The following ACACB variants were observed in gnomAD, a reference collection of about 807,000 sequenced individuals.
ACACB encodes acetyl-CoA carboxylase beta.
Under a neutral mutation model 278.8 loss-of-function variants are expected in ACACB, and 209 were observed. The observed-to-expected ratio is 0.75, with a 90% confidence interval of 0.67 to 0.84. The LOEUF (loss-of-function observed/expected upper bound fraction) is 0.84. Ranked by LOEUF, ACACB falls within the 40% of genes least tolerant of loss-of-function variation. The pLI, the probability that ACACB is intolerant of heterozygous loss-of-function variation, is 0.00. For missense variants in ACACB, 2,850 were observed against 3,269.0 expected (o/e 0.87, Z 3.13); for synonymous variants, 1,174 against 1,285.6 (o/e 0.91, Z 1.86).
rs759946321 is a variant in ACACB, at chr12:109,233,832, C to G, written c.4224C>G (p.Ser1408=). The G allele has an allele frequency of 3.7e-6, 6 of 1,614,180 alleles. No homozygotes were observed. Among genetic ancestry groups the G allele is most frequent in the Admixed American group, 3.3e-5 (2 of 60,026 alleles). Residue 1408 remains serine (S), a synonymous_variant, in exon 30 of 53, where the codon TCC becomes TCG. Transcript: ENST00000338432. ...GCGAGGCCCGCACCTCCCTATACTC[C>G]GAGGATGACTGCAAGGTAAGCGTCT... is the stretch of plus-strand genomic sequence containing the variant. The part of the protein sequence containing the change: ...LFSEARTSLY[S]EDDCKSLREE...
At chr12:109,152,293 C>T (rs1029291229) in intron 2 of ACACB, among the ~76,000 whole-genome samples, 1 of 151,978 alleles carries the variant, frequency 6.6e-6, no homozygotes, top group African/African-American at 2.4e-5. Flanking sequence ...CATTGCTTTC[C>T]CTATTTTGAG....
intron 3 of ACACB, among the ~76,000 whole-genome samples, chr12:109,167,501 A>T (rs138657210): frequency 0.024 from 3,595 of 150,802 alleles, 139 homozygotes; most frequent in African/African-American, 0.084. Flanking sequence ...CGGGAGGCTG[A>T]GGTGGGAGGA....
chr12:109,258,034 C>T (rs1365734954), intron 45 of ACACB, among the ~76,000 whole-genome samples: 1 of 152,226 alleles, frequency 6.6e-6, no homozygotes, highest in Non-Finnish European at 1.5e-5. Context: ...CTGCTCCAGG[C>T]CCTATACCAT....
In ACACB at chr12:109,180,126, C is replaced by T. The variant is rs529577775; in HGVS notation, c.1818+39C>T. The T allele has an allele frequency of 2.1e-5, 34 of 1,597,526 alleles. No individual in the cohort carries two copies. In the South Asian group the frequency reaches 2.8e-4, roughly 13 times the overall value. On this transcript the variant is annotated intron_variant, in intron 11 of 52. Coordinates refer to ENST00000338432, the MANE Select transcript of ACACB (RefSeq NM_001093.4). ...CTTGGGGCCCTGGGACTTCTCTGCC[C>T]TGGGTCAGGGGTCCATGTGCTGCTC...
intron 16 of ACACB, 121 bp from the exon 17 acceptor site, chr12:109,196,887 G>A (rs908732837): frequency 6.0e-6 from 7 of 1,167,664 alleles, no homozygotes; most frequent in Middle Eastern, 2.9e-4. Flanking sequence ...CCGAGAGACG[G>A]GGGTGTTCAT....
chr12:109,155,232 C>T (rs879397651), intron 2 of ACACB, among the ~76,000 whole-genome samples: 1 of 152,136 alleles, frequency 6.6e-6, no homozygotes, highest in Non-Finnish European at 1.5e-5. Context: ...CAGGGGCACG[C>T]CTTCCCCGCT....
chr12:109,126,692 C>CA (rs1308430408), intron 1 of ACACB, among the ~76,000 whole-genome samples: 6 of 149,944 alleles, frequency 4.0e-5, no homozygotes, highest in Non-Finnish European at 7.4e-5. Context: ...TCTACACACA[C>CA]AAAAAAAATA....
chr12:109,230,681 C>T (rs1000449160), intron 28 of ACACB, among the ~76,000 whole-genome samples: 2 of 152,180 alleles, frequency 1.3e-5, no homozygotes, highest in African/African-American at 2.4e-5. Context: ...CCTCCTGCCT[C>T]GGCCTCCCAA....
intron 2 of ACACB, among the ~76,000 whole-genome samples, chr12:109,149,664 GAC>G (rs1398284153): frequency 1.3e-5 from 2 of 152,110 alleles, no homozygotes; most frequent in African/African-American, 4.8e-5. Context: ...CAAGAGAGAG[GAC>G]ACACTAAGGG....
intron 2 of ACACB, among the ~76,000 whole-genome samples, chr12:109,156,587 G>T (rs1440037340): frequency 2.3e-5 from 3 of 131,684 alleles, no homozygotes; most frequent in South Asian, 2.4e-4. Context: ...GTTTCTCTCT[G>T]TTTTTTTTTT....
intron 2 of ACACB, among the ~76,000 whole-genome samples, chr12:109,166,256 T>G (rs1426897175): frequency 6.6e-6 from 1 of 152,190 alleles, no homozygotes; most frequent in Non-Finnish European, 1.5e-5. Flanking sequence ...TATAAGTTTT[T>G]TAGTATTATT....
intron 20 of ACACB, among the ~76,000 whole-genome samples, chr12:109,208,135 T>G (rs1288559438): frequency 1.3e-5 from 2 of 152,172 alleles, no homozygotes; most frequent in Non-Finnish European, 2.9e-5. Flanking sequence ...AGATGAGATC[T>G]GAACCATGGC....
Position 109,246,288 on chromosome 12 carries a change from C to G in ACACB, c.5411C>G (p.Pro1804Arg). ...ACCTTTCGCATTGGATCCTTTGGCC[C>G]TGGAGAGGACCTTCTGTACCTGCGG... is the stretch of plus-strand genomic sequence containing the variant. ...DITFRIGSFG[P>R]GEDLLYLRAS... Residue 1804 changes from proline to arginine, a missense_variant, in exon 39 of 53, where the codon CCT becomes CGT. This residue lies in a region of ACACB where 2,265 missense variants were observed against 2,561.3 expected (regional missense o/e 0.88). Coordinates refer to ENST00000338432, the MANE Select transcript of ACACB (RefSeq NM_001093.4). 6.2e-7 allele frequency: 1 copy of G among 1,612,948 alleles called. No individual in the cohort carries two copies. Among genetic ancestry groups the G allele is most frequent in the South Asian group, 1.1e-5 (1 of 90,974 alleles).
In ACACB at chr12:109,232,782, TC is replaced by T. The variant is rs1188378973; in HGVS notation, c.4116del (p.Phe1372LeufsTer52). ...CAGCGCATGGGAGCCATGGTAGCCTTCAGGAGATTCGAGGACTTCACCAGGT... is the reference window on the plus strand; with the variant it reads ...CAGCGCATGGGAGCCATGGTAGCCTTAGGAGATTCGAGGACTTCACCAGGT... ...LCQRMGAMVAFRRFEDFTRNF... is the reference protein window; with the variant it reads ...LCQRMGAMVAXRRFEDFTRNF... On this transcript the variant is annotated frameshift_variant, in exon 29 of 53. Coordinates refer to ENST00000338432, the MANE Select transcript of ACACB (RefSeq NM_001093.4). LOFTEE classifies it high-confidence loss of function. 1 of 1,614,094 alleles carries T rather than the reference TC, an allele frequency of 6.2e-7. No homozygotes were observed. The highest frequency in any genetic ancestry group is 1.1e-5 in the South Asian group (1 of 91,088).
At chr12:109,210,020 C>A (rs1439853736) in intron 21 of ACACB, among the ~76,000 whole-genome samples, 1 of 106,878 alleles carries the variant, frequency 9.4e-6, no homozygotes, top group Non-Finnish European at 1.9e-5. Flanking sequence ...TATATACACA[C>A]GTGTGTATAT....
intron 11 of ACACB, among the ~76,000 whole-genome samples, chr12:109,180,444 T>C (rs2044427736): frequency 1.3e-5 from 2 of 152,220 alleles, no homozygotes; most frequent in Admixed American, 1.3e-4. Context: ...GCTTTATTCA[T>C]GAAAAGAGTG....
At chr12:109,119,432 A>T (rs1003752225) in intron 1 of ACACB, among the ~76,000 whole-genome samples, 2 of 151,966 alleles carry the variant, frequency 1.3e-5, no homozygotes, top group Non-Finnish European at 2.9e-5. Context: ...TCTACTAAAA[A>T]TACAAAAATT....
intron 1 of ACACB, among the ~76,000 whole-genome samples, chr12:109,122,141 A>G (rs977738394): frequency 1.1e-4 from 17 of 152,204 alleles, no homozygotes; most frequent in Admixed American, 7.2e-4. Context: ...CATGTAGACC[A>G]TGGAAAGGGG....
chr12:109,197,368 A>G (rs1042316129), intron 17 of ACACB, among the ~76,000 whole-genome samples: 20 of 152,178 alleles, frequency 1.3e-4, no homozygotes, highest in African/African-American at 4.1e-4. Flanking sequence ...GCCCTTTTCT[A>G]GTAACCTGGT....
Sources: gnomAD v4.1 joint callset for allele counts (sites outside exome capture counted in the v4.1 genomes callset) on GRCh38, gnomAD v4.1.1 for gene constraint, gnomAD v4.1.1 regional missense constraint, MANE v1.5 for transcripts, NCBI Gene and HGNC (gene_info 2026-07-23, HGNC 2026-07-21) for gene names.